PELP1: variants seen among roughly 807,000 people sequenced by gnomAD.
PELP1 encodes the protein proline-, glutamic acid- and leucine-rich protein 1.
PELP1 carries 32 observed loss-of-function variants against 95.5 expected under a neutral mutation model. The observed-to-expected ratio is 0.34, with a 90% CI of 0.25 to 0.45. The LOEUF is 0.45. Ranked by LOEUF, PELP1 falls within the 20% of genes least tolerant of loss-of-function variation. The pLI, the probability that PELP1 is intolerant of heterozygous loss-of-function variation, is 1.00. For missense variants in PELP1, 1,358 were observed against 1,444.8 expected, an observed-to-expected ratio of 0.94 and a Z score of 0.97; for synonymous variants, 668 against 600.1, an observed-to-expected ratio of 1.11 and a Z score of -1.65.
Position 4,676,776 on chromosome 17 carries a change from C to A in PELP1, c.679G>T (p.Ala227Ser), listed in dbSNP as rs374723509. 41 of 1,571,500 alleles carry A rather than the reference C, an allele frequency of 2.6e-5. No homozygotes were observed. In the African/African-American group the frequency reaches 5.3e-4, roughly 20 times the overall value. Residue 227 changes from alanine to serine, a missense_variant, in exon 6 of 17, where the codon GCC becomes TCC. Around this residue, in one of 7 missense-constraint regions of PELP1, gnomAD observed 538 missense variants for 628.1 expected, o/e 0.86. Coordinates refer to ENST00000572293, the MANE Select transcript of PELP1 (RefSeq NM_014389.3). Reference sequence around the variant, plus strand: ...ACCTGTTGGAGCTGAGGGCTCAAGGCATCCACCCTAGACAGAAAAAATGAG... The same window carrying A: ...ACCTGTTGGAGCTGAGGGCTCAAGGAATCCACCCTAGACAGAAAAAATGAG... The part of the protein sequence containing the change: ...LASFFLSRVD[A>S]LSPQLQQLAC...
chr17:4,704,076 G>A lies in PELP1; in HGVS notation c.36C>T (p.Gly12=), dbSNP rs368997670. The change falls in exon 1 of 17, where the codon GGC becomes GGT. Residue 12 remains glycine, a synonymous_variant. Coordinates refer to ENST00000572293, the MANE Select transcript of PELP1 (RefSeq NM_014389.3). ...TCCCGCCAGGAACCCCAGCCGCGGA[G>A]CCCGCAGAGGGCCCACTCAGAACGG... ...AAAVLSGPSA[G]SAAGVPGGTG... 11 of 1,611,264 alleles carry A rather than the reference G, an allele frequency of 6.8e-6. No homozygotes were observed. Among genetic ancestry groups the A allele is most frequent in the Non-Finnish European group, 9.3e-6 (11 of 1,179,390 alleles).
In PELP1 at chr17:4,675,291, C is replaced by G. The variant is rs763502297; in HGVS notation, c.1140G>C (p.Leu380=). 3 of 1,573,026 alleles carry G rather than the reference C, an allele frequency of 1.9e-6. No homozygotes were observed. In the South Asian group the frequency reaches 3.5e-5, roughly 18 times the overall value. The change falls in exon 10 of 17, where the codon CTG becomes CTC. Residue 380 remains leucine, a synonymous_variant. Coordinates refer to ENST00000572293, the MANE Select transcript of PELP1 (RefSeq NM_014389.3). The surrounding 1 kb of genome is among the most constrained non-coding windows in gnomAD (Gnocchi z 4.3). ...PSIHLEALDL[L]SALILACGSR... ...CCACTCACGCGAGGATGAGTGCAGA[C>G]AGCAGGTCCAAGGCCTCAAGGTGGA...
intron 1 of PELP1, among the ~76,000 whole-genome samples, chr17:4,702,421 AAATAAT>A (rs144436088): frequency 5.9e-5 from 9 of 152,132 alleles, no homozygotes; most frequent in African/African-American, 2.2e-4. Flanking sequence ...CTTGTCTCAA[AAATAAT>A]AATAATTCTG....
intron 1 of PELP1, among the ~76,000 whole-genome samples, chr17:4,700,912 G>A (rs1197911344): frequency 4.2e-5 from 5 of 118,996 alleles, no homozygotes; most frequent in Non-Finnish European, 8.3e-5. Context: ...GCCTGAGTTA[G>A]AGTAAGGCCC....
intron 5 of PELP1, among the ~76,000 whole-genome samples, chr17:4,681,389 T>C (rs1912679856): frequency 6.6e-6 from 1 of 151,680 alleles, no homozygotes. Context: ...CATACATCTG[T>C]AATCCCAGCT....
rs774405006 is a variant in PELP1, at chr17:4,690,868, G to C, written c.420+20C>G. The C allele has an allele frequency of 1.3e-6, 2 of 1,493,582 alleles. No individual in the cohort carries two copies. Among genetic ancestry groups the C allele is most frequent in the African/African-American group, 1.4e-5 (1 of 72,680 alleles). 92.5% of individuals were successfully genotyped at this position (1,493,582 alleles called of 1,614,324 possible). A position where few individuals can be genotyped will look rare whatever the true frequency, so the allele number is the denominator to read the frequency against. On this transcript the variant is annotated intron_variant, in intron 3 of 16. Coordinates refer to ENST00000572293, the MANE Select transcript of PELP1 (RefSeq NM_014389.3). ...AAGATGGGGGAGGAGGAGGAAGTAG[G>C]GCAGCAGCTGAAACCTCACCTGTAA...
At position 4,700,528 on chromosome 17, in the gene PELP1, C is replaced by T. The variant is rs1417144503; in HGVS notation, c.249+3335G>A. ...GTATGGTGGCAGGTGCCTGTAATCCCAGCTACTCAGGAGGCTGAGGCCTAC... is the reference window on the plus strand; with the variant it reads ...GTATGGTGGCAGGTGCCTGTAATCCTAGCTACTCAGGAGGCTGAGGCCTAC... On this transcript the variant is annotated intron_variant, in intron 1 of 16. Transcript: ENST00000572293. Among the ~76,000 whole-genome samples, 9 of 152,172 alleles carry T rather than the reference C, an allele frequency of 5.9e-5. 1 individual carries two copies. Among genetic ancestry groups the T allele is most frequent in the African/African-American group, 2.2e-4 (9 of 41,526 alleles).
chr17:4,683,507 T>G (rs7211139), intron 3 of PELP1, among the ~76,000 whole-genome samples: 3 of 145,280 alleles, frequency 2.1e-5, no homozygotes, highest in African/African-American at 5.1e-5. Context: ...GTGTGAGCCA[T>G]CACGCCCAGC....
rs754562890 is a variant in PELP1 at position 4,704,086 on chromosome 17, G to A, written c.26C>T (p.Pro9Leu). Residue 9 changes from proline (P) to leucine (L), a missense_variant, in exon 1 of 17, where the codon CCC (proline) becomes CTC (leucine). By Grantham distance (98) the Pro-to-Leu change is moderately conservative. Around this residue, in one of 7 missense-constraint regions of PELP1, gnomAD observed 169 missense variants for 134.9 expected, o/e 1.25. Transcript: ENST00000572293. Reference protein sequence around the residue: MAAAVLSGPSAGSAAGVPG... With the variant: MAAAVLSGLSAGSAAGVPG... ...AACCCCAGCCGCGGAGCCCGCAGAG[G>A]GCCCACTCAGAACGGCTGCCGCCAT... is the stretch of plus-strand genomic sequence containing the variant. 7 of 1,610,504 alleles carry A rather than the reference G, an allele frequency of 4.3e-6. No individual in the cohort carries two copies. Among genetic ancestry groups the A allele is most frequent in the East Asian group, 2.2e-5 (1 of 44,850 alleles).
chr17:4,686,917 C>T (rs1912926246), intron 3 of PELP1, among the ~76,000 whole-genome samples: 1 of 152,166 alleles, frequency 6.6e-6, no homozygotes, highest in Non-Finnish European at 1.5e-5. Flanking sequence ...AAACCCTTAG[C>T]ATGGTCTATA....
chr17:4,695,692 A>T (rs1913271398), intron 1 of PELP1, among the ~76,000 whole-genome samples: 1 of 145,742 alleles, frequency 6.9e-6, no homozygotes, highest in South Asian at 2.2e-4. Context: ...AAAAAAAAAA[A>T]ATCTGGCAGG....
intron 3 of PELP1, among the ~76,000 whole-genome samples, chr17:4,685,657 G>C (rs1232995907): frequency 6.6e-6 from 1 of 151,376 alleles, no homozygotes; most frequent in Non-Finnish European, 1.5e-5. Context: ...GCGGGGGGTG[G>C]TGGTACACGC....
intron 3 of PELP1, 136 bp downstream of exon 3, chr17:4,690,752 T>C: frequency 1.6e-6 from 1 of 607,580 alleles, no homozygotes; most frequent in Non-Finnish European, 2.9e-6. Context: ...AAGCTTATCC[T>C]CTCTGCTATC....
chr17:4,673,374 C>T lies in PELP1; in HGVS notation c.1721G>A (p.Arg574His), dbSNP rs1211971516. The part of the protein sequence containing the change: ...VLGSSPYTSS[R>H]CRRELYCLLL... ...CAGGCAGTAGAGTTCACGGCGGCAG[C>T]GGGAGCTCGTGTACGGGGAGCTGCC... The change falls in exon 15 of 17, where the codon CGC (arginine) becomes CAC (histidine). Residue 574 changes from arginine to histidine, a missense_variant. Coordinates refer to ENST00000572293, the MANE Select transcript of PELP1 (RefSeq NM_014389.3). The surrounding 1 kb of genome is among the most constrained non-coding windows in gnomAD (Gnocchi z 5.7). 2.5e-6 allele frequency: 4 copies of T among 1,596,722 alleles called. No homozygotes were observed. Among genetic ancestry groups the T allele is most frequent in the South Asian group, 2.3e-5 (2 of 88,326 alleles).
chr17:4,672,978 C>G lies in PELP1; in HGVS notation c.2013G>C (p.Met671Ile), dbSNP rs770972452. The change falls in exon 16 of 17, where the codon ATG becomes ATC. Residue 671 changes from methionine to isoleucine, a missense_variant. This residue lies in a region of PELP1 where 340 missense variants were observed against 322.9 expected (regional missense o/e 1.05). Transcript: ENST00000572293. ...CTGAGGGCATGGAGCCCACTGAGGG[C>G]ATGGGGCCCGGAGGATGGAACGGTG... Reference protein sequence around the residue: ...RAPPFHPPGPMPSVGSMPSAG... With the variant: ...RAPPFHPPGPIPSVGSMPSAG... The G allele has an allele frequency of 1.3e-6, 2 of 1,581,304 alleles. No individual in the cohort carries two copies. The highest frequency in any genetic ancestry group is 2.3e-5 in the South Asian group (2 of 85,818).
intron 3 of PELP1, 33 bp downstream of exon 3, chr17:4,690,855 G>C: frequency 7.6e-7 from 1 of 1,316,290 alleles, no homozygotes; most frequent in Non-Finnish European, 1.1e-6. Context: ...GATGGGGGAG[G>C]AGGAGGAAGT....
intron 1 of PELP1, among the ~76,000 whole-genome samples, chr17:4,698,894 C>T (rs1187310697): frequency 6.6e-6 from 1 of 152,240 alleles, no homozygotes; most frequent in East Asian, 1.9e-4. Context: ...AGGAAATACA[C>T]ACTAAAATAT....
chr17:4,675,852 A>T lies in PELP1; in HGVS notation c.1013T>A (p.Val338Glu). 1 of 1,591,746 alleles carries T rather than the reference A, an allele frequency of 6.3e-7. No homozygotes were observed. The highest frequency in any genetic ancestry group is 8.6e-7 in the Non-Finnish European group (1 of 1,169,144). The change falls in exon 9 of 17, where the codon GTG becomes GAG. Residue 338 changes from valine to glutamate, a missense_variant. Transcript: ENST00000572293. The surrounding 1 kb of genome is among the most constrained non-coding windows in gnomAD (Gnocchi z 4.3). ...SEFGAPVSVP[V>E]QEILDFICRT... ...GCAGATGAAATCCAGGATTTCCTGC[A>T]CAGGGACGGACACGGGAGCTCCAAA...
chr17:4,679,209 G>A (rs1383500095), intron 5 of PELP1, among the ~76,000 whole-genome samples: 1 of 152,020 alleles, frequency 6.6e-6, no homozygotes, highest in East Asian at 1.9e-4. Flanking sequence ...TGTATTTTTG[G>A]TAGAGGTAGG....
Sources: gnomAD v4.1 joint callset for allele counts (sites outside exome capture counted in the v4.1 genomes callset) on GRCh38, gnomAD v4.1.1 for gene constraint, gnomAD v4.1.1 regional missense constraint, Gnocchi (gnomAD v3.1) non-coding constraint, MANE v1.5 for transcripts, NCBI Gene and HGNC (gene_info 2026-07-23, HGNC 2026-07-21) for gene names.